Variants in DENND1A observed in about 807,000 individuals in gnomAD.
The protein encoded by DENND1A is DENN domain containing 1A.
A neutral mutation model predicts 113.7 loss-of-function variants in DENND1A; 51 were observed. That is an observed-to-expected ratio of 0.45 (90% CI 0.36 to 0.57). The LOEUF (loss-of-function observed/expected upper bound fraction) is 0.57, where lower values mean the gene tolerates loss of function less well. DENND1A is among the 20% of genes least tolerant of loss of function. The probability of loss-of-function intolerance (pLI) is 0.00; values close to 1 mark genes in which losing one functional copy is unlikely to be tolerated. For synonymous variants in DENND1A, 565 were observed against 570.8 expected, an observed-to-expected ratio of 0.99 and a Z score of 0.14; for missense variants, 1,258 against 1,395.9, an observed-to-expected ratio of 0.90 and a Z score of 1.57.
chr9:123,583,920 G>A (rs2059041153), intron 11 of DENND1A, among the ~76,000 whole-genome samples: 1 of 152,198 alleles, frequency 6.6e-6, no homozygotes, highest in Non-Finnish European at 1.5e-5. Context: ...AGGTTTTCAT[G>A]CTTGGTGACA....
intron 1 of DENND1A, among the ~76,000 whole-genome samples, chr9:123,905,628 A>C (rs1231441092): frequency 8.8e-5 from 13 of 148,306 alleles, no homozygotes; most frequent in Admixed American, 2.0e-4. Flanking sequence ...ACATAATGGT[A>C]AAGGGATCAA....
Position 123,800,387 on chromosome 9 carries a change from A to G in DENND1A, c.89-7757T>C, listed in dbSNP as rs571142829. Among the ~76,000 whole-genome samples the G allele has an allele frequency of 2.6e-5, 4 of 152,314 alleles. No homozygotes were observed. The East Asian group carries it at 5.8e-4, about 22-fold the overall frequency. On this transcript the variant is annotated intron_variant, in intron 2 of 23. Transcript: ENST00000394215. ...CCATAGGTGGCTTAATTTTTATCCT[A>G]TTTCATCAAAATGACTCTTCCAGGT...
intron 5 of DENND1A, among the ~76,000 whole-genome samples, chr9:123,720,709 T>C (rs943231458): frequency 1.3e-5 from 2 of 152,246 alleles, no homozygotes; most frequent in African/African-American, 4.8e-5. Context: ...CCATGATTAT[T>C]TGCAGCTGAT....
At chr9:123,626,166 T>C (rs982125845) in intron 10 of DENND1A, among the ~76,000 whole-genome samples, 3 of 152,158 alleles carry the variant, frequency 2.0e-5, no homozygotes, top group Non-Finnish European at 2.9e-5. Flanking sequence ...GTGCTGAGAT[T>C]ACAGGCATAA....
At chr9:123,618,937 G>GT (rs1564827084) in intron 10 of DENND1A, among the ~76,000 whole-genome samples, 1 of 152,152 alleles carries the variant, frequency 6.6e-6, no homozygotes, top group Non-Finnish European at 1.5e-5. Context: ...GGCTAAAAAA[G>GT]TTTTTTATTT....
intron 5 of DENND1A, among the ~76,000 whole-genome samples, chr9:123,710,185 C>T (rs142819551): frequency 1.2e-3 from 179 of 152,260 alleles, no homozygotes; most frequent in Non-Finnish European, 1.4e-3. Context: ...TGCATACATA[C>T]AAATGTTTTT....
chr9:123,824,841 A>G (rs1469657927), intron 2 of DENND1A, among the ~76,000 whole-genome samples: 2 of 152,222 alleles, frequency 1.3e-5, no homozygotes, highest in Admixed American at 1.3e-4. Context: ...TAACTTCATT[A>G]TGTGGTACCA....
intron 15 of DENND1A, among the ~76,000 whole-genome samples, chr9:123,455,041 C>T (rs1298862833): frequency 3.3e-5 from 5 of 152,046 alleles, no homozygotes; most frequent in South Asian, 2.1e-4. Context: ...AGGCTGGTCT[C>T]GAACTCCTGA....
intron 5 of DENND1A, among the ~76,000 whole-genome samples, chr9:123,705,178 G>A (rs904114896): frequency 1.6e-4 from 24 of 151,934 alleles, no homozygotes; most frequent in African/African-American, 4.8e-4. Flanking sequence ...TTTGTGGCAC[G>A]TAAATAAAAC....
At chr9:123,408,614 G>T (rs548093366) in intron 20 of DENND1A, among the ~76,000 whole-genome samples, 241 of 152,220 alleles carry the variant, frequency 1.6e-3, no homozygotes, top group African/African-American at 5.4e-3. Flanking sequence ...AGGAGAGCTG[G>T]TTCTCCTAGG....
At chr9:123,681,628 G>A (rs761710824) in intron 5 of DENND1A, among the ~76,000 whole-genome samples, 11 of 152,078 alleles carry the variant, frequency 7.2e-5, no homozygotes, top group African/African-American at 1.7e-4. Flanking sequence ...TGAACCCCAC[G>A]GTGTCAAACT....
intron 19 of DENND1A, among the ~76,000 whole-genome samples, chr9:123,429,367 C>T (rs1279707140): frequency 1.3e-5 from 2 of 152,118 alleles, no homozygotes; most frequent in Non-Finnish European, 2.9e-5. Context: ...ACCAGCCTGG[C>T]TAACATGGTG....
intron 5 of DENND1A, among the ~76,000 whole-genome samples, chr9:123,718,223 C>T (rs1221762591): frequency 2.6e-5 from 4 of 152,308 alleles, no homozygotes; most frequent in South Asian, 4.1e-4. Flanking sequence ...CCCAGGTAGA[C>T]GTACTAATGT....
chr9:123,429,416 G>C (rs1039446955), intron 19 of DENND1A, among the ~76,000 whole-genome samples: 6 of 152,150 alleles, frequency 3.9e-5, no homozygotes, highest in African/African-American at 1.4e-4. Flanking sequence ...AATTAGCTGA[G>C]TATGGTGGCA....
intron 13 of DENND1A, among the ~76,000 whole-genome samples, chr9:123,495,591 G>T (rs2051841350): frequency 6.6e-6 from 1 of 152,190 alleles, no homozygotes; most frequent in Non-Finnish European, 1.5e-5. Flanking sequence ...TCTACATCTT[G>T]AGAGAACCCA....
At chr9:123,899,587 A>G (rs548070836) in intron 1 of DENND1A, among the ~76,000 whole-genome samples, 1 of 152,308 alleles carries the variant, frequency 6.6e-6, no homozygotes, top group South Asian at 2.1e-4. Context: ...AATATAAAAT[A>G]ATATCTGATT....
At chr9:123,790,346 A>C (rs1435423874) in intron 3 of DENND1A, among the ~76,000 whole-genome samples, 1 of 152,130 alleles carries the variant, frequency 6.6e-6, no homozygotes, top group Non-Finnish European at 1.5e-5. Flanking sequence ...CTACAAAACA[A>C]AGTAGATCCT....
chr9:123,782,409 T>C (rs1831461407), intron 3 of DENND1A, among the ~76,000 whole-genome samples: 1 of 152,240 alleles, frequency 6.6e-6, no homozygotes, highest in Non-Finnish European at 1.5e-5. Context: ...TAAAGGTATG[T>C]CTTGGTTTGT....
intron 19 of DENND1A, among the ~76,000 whole-genome samples, chr9:123,416,215 C>T (rs2044713918): frequency 6.6e-6 from 1 of 152,176 alleles, no homozygotes; most frequent in Non-Finnish European, 1.5e-5. Flanking sequence ...ATCCCCAGCC[C>T]ACAGCCCAGG....
Sources: gnomAD v4.1 joint callset for allele counts (sites outside exome capture counted in the v4.1 genomes callset) on GRCh38, gnomAD v4.1.1 for gene constraint, MANE v1.5 for transcripts, NCBI Gene and HGNC (gene_info 2026-07-23, HGNC 2026-07-21) for gene names.